The following PHACTR1 variants were observed in gnomAD, a reference collection of about 807,000 sequenced individuals.
PHACTR1 encodes the protein RPEL repeat containing 1.
Under a neutral mutation model 69.2 loss-of-function variants are expected in PHACTR1, and 16 were observed. That is an observed-to-expected ratio of 0.23 (90% CI 0.16 to 0.35). PHACTR1 has a LOEUF of 0.35. Among genes scored for constraint, PHACTR1 ranks in the 10% least tolerant of loss-of-function variants. The probability of loss-of-function intolerance (pLI) is 1.00; values close to 1 mark genes in which losing one functional copy is unlikely to be tolerated. For missense variants in PHACTR1, 510 were observed against 734.7 expected (o/e 0.69, Z 3.54); for synonymous variants, 312 against 284.5 (o/e 1.10, Z -0.97).
chr6:12,753,985 CAG>C (rs1766961638), intron 4 of PHACTR1, among the ~76,000 whole-genome samples: 1 of 140,928 alleles, frequency 7.1e-6, no homozygotes, highest in Non-Finnish European at 1.5e-5. Flanking sequence ...TTTTTTGAGA[CAG>C]AGTCTCACTC....
intron 4 of PHACTR1, among the ~76,000 whole-genome samples, chr6:12,909,046 G>T (rs1212530463): frequency 6.6e-6 from 1 of 152,208 alleles, no homozygotes; most frequent in Non-Finnish European, 1.5e-5. Flanking sequence ...GGCAATGGAG[G>T]TGGAGAGGCA....
At chr6:12,905,615 A>G (rs144475156) in intron 4 of PHACTR1, among the ~76,000 whole-genome samples, 51 of 152,264 alleles carry the variant, frequency 3.3e-4, no homozygotes, top group African/African-American at 1.1e-3. Flanking sequence ...CAGGCTCAGG[A>G]GGGAGAGGGC....
At chr6:12,950,885 C>T (rs1044766429) in intron 4 of PHACTR1, among the ~76,000 whole-genome samples, 5 of 152,178 alleles carry the variant, frequency 3.3e-5, no homozygotes, top group Non-Finnish European at 7.3e-5. Context: ...CATTCATTTG[C>T]GCCATTACCT....
At chr6:12,750,150 G>A (rs532565751) in intron 4 of PHACTR1, among the ~76,000 whole-genome samples, 2,127 of 152,326 alleles carry the variant, frequency 0.014, 54 homozygotes, top group African/African-American at 0.049. Flanking sequence ...GTTGGCTGGC[G>A]CGGCTACTAC....
intron 4 of PHACTR1, among the ~76,000 whole-genome samples, chr6:12,970,802 T>C (rs1794109609): frequency 6.6e-6 from 1 of 152,202 alleles, no homozygotes; most frequent in Admixed American, 6.5e-5. Flanking sequence ...TTACCCCATC[T>C]TTTTTGCCAG....
At chr6:13,005,490 A>G (rs1207364138) in intron 4 of PHACTR1, among the ~76,000 whole-genome samples, 1 of 152,174 alleles carries the variant, frequency 6.6e-6, no homozygotes, top group African/African-American at 2.4e-5. Context: ...AATGGCTACA[A>G]ACTGTTATAT....
chr6:12,898,412 G>A lies in PHACTR1; in HGVS notation c.250+148622G>A, dbSNP rs1214110345. ...GACCCCACAACCCCAACATGTCCCC[G>A]ACTCAGCCTCCACTCGCCCTCAGCC... is the stretch of plus-strand genomic sequence containing the variant. On this transcript the variant is annotated intron_variant, in intron 4 of 14. Transcript: ENST00000332995. Among the ~76,000 whole-genome samples the A allele has an allele frequency of 3.3e-5, 5 of 151,958 alleles. No individual in the cohort carries two copies. The South Asian group carries it at 8.3e-4, about 25-fold the overall frequency.
intron 4 of PHACTR1, among the ~76,000 whole-genome samples, chr6:12,937,347 A>G (rs1789567610): frequency 6.6e-6 from 1 of 151,984 alleles, no homozygotes; most frequent in Non-Finnish European, 1.5e-5. Context: ...ACACATACTA[A>G]TTGAGTGGAT....
chr6:12,776,000 T>C (rs1770016029), intron 4 of PHACTR1, among the ~76,000 whole-genome samples: 1 of 152,256 alleles, frequency 6.6e-6, no homozygotes, highest in African/African-American at 2.4e-5. Context: ...TGTTCTTTGT[T>C]CTAAGAGATC....
At chr6:12,833,257 C>CT (rs902725417) in intron 4 of PHACTR1, among the ~76,000 whole-genome samples, 3 of 150,080 alleles carry the variant, frequency 2.0e-5, no homozygotes, top group African/African-American at 2.5e-5. Context: ...ACCTGTAGTT[C>CT]TTTTTTTTTC....
At chr6:13,064,602 A>ATATATATATATC (rs1808298689) in intron 5 of PHACTR1, among the ~76,000 whole-genome samples, 1 of 6,456 alleles carries the variant, frequency 1.5e-4, no homozygotes, top group Non-Finnish European at 2.6e-4. Flanking sequence ...ATATATATAT[A>ATATATATATATC]TATCTATATA....
At chr6:13,028,475 C>T (rs868009604) in intron 4 of PHACTR1, among the ~76,000 whole-genome samples, 1 of 152,320 alleles carries the variant, frequency 6.6e-6, no homozygotes, top group Middle Eastern at 3.4e-3. Context: ...GAATCAGGAG[C>T]TTCCTCTTTT....
At chr6:13,015,912 T>C (rs766103369) in intron 4 of PHACTR1, among the ~76,000 whole-genome samples, 1 of 152,366 alleles carries the variant, frequency 6.6e-6, no homozygotes, top group Non-Finnish European at 1.5e-5. Context: ...CCGAATGTTA[T>C]AGTGCCTAAT....
intron 4 of PHACTR1, among the ~76,000 whole-genome samples, chr6:12,831,811 A>G (rs1437492910): frequency 6.6e-6 from 1 of 152,192 alleles, no homozygotes; most frequent in Non-Finnish European, 1.5e-5. Context: ...TCTCATTAAT[A>G]TGGTCTTGGT....
At chr6:12,930,247 A>T (rs1788722093) in intron 4 of PHACTR1, among the ~76,000 whole-genome samples, 1 of 151,980 alleles carries the variant, frequency 6.6e-6, no homozygotes, top group South Asian at 2.1e-4. Context: ...GTCTTGCTCT[A>T]TTATCCAAGT....
chr6:13,247,315 T>C (rs1773699852), intron 10 of PHACTR1, among the ~76,000 whole-genome samples: 1 of 146,244 alleles, frequency 6.8e-6, no homozygotes, highest in Admixed American at 7.0e-5. Context: ...TTGTAACTTA[T>C]CAAGTTCCCT....
Position 13,287,200 on chromosome 6 carries a change from A to G in PHACTR1, c.*122A>G. The G allele has an allele frequency of 9.8e-7, 1 of 1,015,264 alleles. No individual in the cohort carries two copies. Among genetic ancestry groups the G allele is most frequent in the Non-Finnish European group, 1.4e-6 (1 of 702,986 alleles). 62.9% of individuals were successfully genotyped at this position (1,015,264 alleles called of 1,614,324 possible). A position where few individuals can be genotyped will look rare whatever the true frequency, so the allele number is the denominator to read the frequency against. Reference sequence around the variant, plus strand: ...ATCTTCTGAACTGCCTTTTTTTTAAAAAGAAGAAAAATCAAGGAAACACAA... The same window carrying G: ...ATCTTCTGAACTGCCTTTTTTTTAAGAAGAAGAAAAATCAAGGAAACACAA... On this transcript the variant is annotated 3_prime_UTR_variant, in exon 15 of 15. Transcript: ENST00000332995.
At chr6:12,825,873 C>T (rs1776748731) in intron 4 of PHACTR1, among the ~76,000 whole-genome samples, 1 of 151,760 alleles carries the variant, frequency 6.6e-6, no homozygotes. Flanking sequence ...TCTCCACTCA[C>T]GAGGAGATAA....
At chr6:12,876,068 C>G (rs1484503481) in intron 4 of PHACTR1, among the ~76,000 whole-genome samples, 2 of 152,134 alleles carry the variant, frequency 1.3e-5, no homozygotes, top group African/African-American at 2.4e-5. Flanking sequence ...GAACAAAAGG[C>G]TGTGAGCAGG....
Sources: allele counts gnomAD v4.1 joint callset (sites outside exome capture counted in the v4.1 genomes callset), GRCh38; gene constraint gnomAD v4.1.1; transcripts MANE v1.5; gene names NCBI Gene and HGNC (gene_info 2026-07-23, HGNC 2026-07-21).